The following INTS7 variants were observed in gnomAD, a reference collection of about 807,000 sequenced individuals.
The protein encoded by INTS7 is chromosome 1 open reading frame 73.
A neutral mutation model predicts 109.2 loss-of-function variants in INTS7; 46 were observed. The ratio of observed to expected loss-of-function variants is 0.42; its 90% CI spans 0.33 to 0.54. The LOEUF is 0.54. Among genes scored for constraint, INTS7 ranks in the 20% least tolerant of loss-of-function variants. The pLI is 0.07. For missense variants in INTS7, 929 were observed against 1,132.4 expected, an observed-to-expected ratio of 0.82 and a Z score of 2.58; for synonymous variants, 412 against 402.9, an observed-to-expected ratio of 1.02 and a Z score of -0.27.
Position 211,982,673 on chromosome 1 carries a change from T to C in INTS7, c.1132+3A>G. On this transcript the variant is annotated splice_donor_region_variant and intron_variant, in intron 9 of 19. Transcript: ENST00000366994. The stretch of plus-strand genomic sequence containing the variant: ...ACGTAATATCAGTCCTGATCAAACT[T>C]ACCCTTTTCTTGACAAGAAACAGTT... The C allele has an allele frequency of 6.2e-7, 1 of 1,600,332 alleles. No individual in the cohort carries two copies. The highest frequency in any genetic ancestry group is 8.5e-7 in the Non-Finnish European group (1 of 1,173,774).
chr1:211,970,590 C>T (rs185269745), intron 13 of INTS7, among the ~76,000 whole-genome samples: 200 of 152,168 alleles, frequency 1.3e-3, no homozygotes, highest in African/African-American at 4.7e-3. Context: ...ATATAAAGTA[C>T]TCTTATAAAC....
At chr1:212,010,470 G>A (rs965216000) in intron 5 of INTS7, among the ~76,000 whole-genome samples, 1 of 152,154 alleles carries the variant, frequency 6.6e-6, no homozygotes, top group African/African-American at 2.4e-5. Context: ...ACACTGGAGG[G>A]ACATTAGCAG....
At chr1:212,015,284 A>G (rs1235362700) in intron 4 of INTS7, among the ~76,000 whole-genome samples, 2 of 152,032 alleles carry the variant, frequency 1.3e-5, no homozygotes, top group East Asian at 3.8e-4. Context: ...AATGTGGGGA[A>G]AAGAAAGAAA....
At chr1:212,015,710 T>TAAAAAAAAAAAAAAAAAAA (rs58204818) in intron 4 of INTS7, among the ~76,000 whole-genome samples, 1 of 34,950 alleles carries the variant, frequency 2.9e-5, no homozygotes, top group African/African-American at 1.2e-4. Flanking sequence ...CAATAAATAC[T>TAAAAAAAAAAAAAAAAAAA]AAAAAAAAAA....
At chr1:211,988,138 C>T (rs1571878985) in intron 7 of INTS7, 135 bp from the exon 8 acceptor site, 3 of 497,598 alleles carry the variant, frequency 6.0e-6, no homozygotes, top group East Asian at 3.5e-5. Flanking sequence ...AAACTTAAAT[C>T]GAGGCCAGGT....
At chr1:211,978,559 T>A (rs140779193) in intron 10 of INTS7, 48 bp from the exon 11 acceptor site, 1 of 1,608,064 alleles carries the variant, frequency 6.2e-7, no homozygotes, top group African/African-American at 1.3e-5. Context: ...AAGATACAGA[T>A]GAAGCTTTAA....
chr1:211,976,625 T>A lies in INTS7; in HGVS notation c.1565A>T (p.Asn522Ile). 6.2e-7 allele frequency: 1 copy of A among 1,613,996 alleles called. No homozygotes were observed. The highest frequency in any genetic ancestry group is 1.3e-5 in the African/African-American group (1 of 75,028). Reference protein sequence around the residue: ...VIKQQLESVSNGWTVYRIARQ... With the variant: ...VIKQQLESVSIGWTVYRIARQ... ...GGCAATACGGTATACAGTCCATCCA[T>A]TGGAGACACTTTCAAGCTGCTGCTT... Residue 522 changes from asparagine (N) to isoleucine (I), a missense_variant, in exon 12 of 20, where the codon AAT (asparagine) becomes ATT (isoleucine). By Grantham distance (149) the Asn-to-Ile change is moderately radical. Coordinates refer to ENST00000366994, the MANE Select transcript of INTS7 (RefSeq NM_015434.4).
intron 3 of INTS7, among the ~76,000 whole-genome samples, chr1:212,019,540 G>C (rs1366431548): frequency 1.3e-5 from 2 of 152,004 alleles, no homozygotes; most frequent in Admixed American, 1.3e-4. Flanking sequence ...AATTTCAAAA[G>C]ATATAAAAAG....
At chr1:211,984,732 G>A (rs1247240780) in intron 8 of INTS7, among the ~76,000 whole-genome samples, 2 of 152,134 alleles carry the variant, frequency 1.3e-5, no homozygotes, top group African/African-American at 4.8e-5. Context: ...TCAGCTTCTT[G>A]TGTATCATTC....
At chr1:211,968,028 G>C in intron 14 of INTS7, 47 bp from the exon 15 acceptor site, 1 of 1,021,420 alleles carries the variant, frequency 9.8e-7, no homozygotes, top group Non-Finnish European at 1.4e-6. Context: ...TATCATTATT[G>C]TATAAACAAC....
chr1:212,008,000 G>A (rs1282436778), intron 5 of INTS7, among the ~76,000 whole-genome samples: 1 of 152,136 alleles, frequency 6.6e-6, no homozygotes, highest in Non-Finnish European at 1.5e-5. Flanking sequence ...ACAGTGGAGC[G>A]AAACCAACAA....
At chr1:212,022,105 A>G (rs1003571205) in intron 1 of INTS7, among the ~76,000 whole-genome samples, 12 of 152,232 alleles carry the variant, frequency 7.9e-5, no homozygotes, top group African/African-American at 2.9e-4. Flanking sequence ...AAACTAGATA[A>G]GCATAAGCAA....
At chr1:211,989,186 T>C (rs942321665) in intron 7 of INTS7, among the ~76,000 whole-genome samples, 3 of 152,152 alleles carry the variant, frequency 2.0e-5, no homozygotes, top group Admixed American at 6.5e-5. Flanking sequence ...TGCAGGATGA[T>C]TTAGATTATC....
At chr1:211,953,852 A>G (rs946973508) in intron 16 of INTS7, among the ~76,000 whole-genome samples, 33 of 151,848 alleles carry the variant, frequency 2.2e-4, no homozygotes, top group Non-Finnish European at 4.4e-4. Flanking sequence ...ATAGTGCCGC[A>G]ATAAACATAC....
intron 5 of INTS7, among the ~76,000 whole-genome samples, 185 bp from the exon 6 acceptor site, chr1:212,007,634 T>C (rs542691337): frequency 3.3e-5 from 5 of 152,326 alleles, no homozygotes; most frequent in Non-Finnish European, 7.4e-5. Flanking sequence ...AGTATTTATC[T>C]TGACATTAAC....
chr1:211,951,269 G>T (rs1404426079), intron 17 of INTS7, among the ~76,000 whole-genome samples: 1 of 152,070 alleles, frequency 6.6e-6, no homozygotes, highest in African/African-American at 2.4e-5. Flanking sequence ...TTTGGAGGTG[G>T]GCCCCCATGA....
intron 1 of INTS7, among the ~76,000 whole-genome samples, chr1:212,029,062 T>G (rs1163176016): frequency 6.6e-6 from 1 of 152,182 alleles, no homozygotes; most frequent in African/African-American, 2.4e-5. Flanking sequence ...AGGTGATGAA[T>G]TCTAGGGAAT....
At chr1:211,962,648 AAATGAAAAAG>A (rs1663691754) in intron 16 of INTS7, among the ~76,000 whole-genome samples, 1 of 152,252 alleles carries the variant, frequency 6.6e-6, no homozygotes, top group African/African-American at 2.4e-5. Context: ...AATCTTCAGC[AAATGAAAAAG>A]AATGAAAATA....
intron 17 of INTS7, among the ~76,000 whole-genome samples, chr1:211,948,864 C>T (rs1287189505): frequency 2.0e-5 from 3 of 152,200 alleles, no homozygotes; most frequent in South Asian, 2.1e-4. Flanking sequence ...TGCGCCACCA[C>T]GCCTGGCTAA....
Sources: gnomAD v4.1 joint callset for allele counts (sites outside exome capture counted in the v4.1 genomes callset) on GRCh38, gnomAD v4.1.1 for gene constraint, MANE v1.5 for transcripts, NCBI Gene and HGNC (gene_info 2026-07-23, HGNC 2026-07-21) for gene names.